FSIP1: variants seen among roughly 807,000 people sequenced by gnomAD.
FSIP1 encodes the protein fibrous sheath interacting protein 1.
Under a neutral mutation model 60.9 loss-of-function variants are expected in FSIP1, and 65 were observed. That is an observed-to-expected ratio of 1.07 (90% CI 0.87 to 1.31). The LOEUF (loss-of-function observed/expected upper bound fraction) is 1.31. FSIP1 is among the 40% of genes most tolerant of loss of function. The pLI is 0.00. For synonymous variants in FSIP1, 209 were observed against 221.2 expected (o/e 0.94, Z 0.49); for missense variants, 675 against 665.5 (o/e 1.01, Z -0.16).
rs555037928 is a variant in FSIP1, at chr15:39,728,945, AT to A, written c.892-2199del. On this transcript the variant is annotated intron_variant, in intron 8 of 11. Transcript: ENST00000350221. ...AGTAGGCAAAAGACACAAACAGACA[AT>A]TTTCTAAAGAAGACATACACATAGC... is the stretch of plus-strand genomic sequence containing the variant. 5.8e-4 allele frequency among the ~76,000 whole-genome samples: 88 copies of A among 152,228 alleles called. 1 individual carries two copies. Among genetic ancestry groups the A allele is most frequent in the Admixed American group, 5.0e-3 (77 of 15,284 alleles).
intron 10 of FSIP1, among the ~76,000 whole-genome samples, chr15:39,648,282 A>G (rs991929869): frequency 6.6e-6 from 1 of 152,026 alleles, no homozygotes; most frequent in Non-Finnish European, 1.5e-5. Flanking sequence ...CTAGAATTCT[A>G]AATTTTAATT....
intron 5 of FSIP1, among the ~76,000 whole-genome samples, chr15:39,761,204 A>T (rs2140696665): frequency 6.6e-6 from 1 of 152,312 alleles, no homozygotes; most frequent in Middle Eastern, 3.4e-3. Flanking sequence ...CATATGATCC[A>T]GAAATCCCAC....
At chr15:39,706,519 T>C (rs966239359) in intron 10 of FSIP1, among the ~76,000 whole-genome samples, 3 of 152,230 alleles carry the variant, frequency 2.0e-5, no homozygotes, top group Admixed American at 2.0e-4. Context: ...AACCACTTAC[T>C]GAGATACAAT....
At chr15:39,599,830 T>C (rs1250820746), downstream of FSIP1, among the ~76,000 whole-genome samples, 1 of 152,212 alleles carries the variant, frequency 6.6e-6, no homozygotes, top group Non-Finnish European at 1.5e-5. Flanking sequence ...ACGTAGCACA[T>C]TGACATCAGC....
At chr15:39,608,162 A>G (rs968812074) in intron 11 of FSIP1, among the ~76,000 whole-genome samples, 4 of 152,256 alleles carry the variant, frequency 2.6e-5, no homozygotes, top group African/African-American at 9.6e-5. Context: ...CTTATTATGT[A>G]ATAAACAGAA....
At position 39,666,012 on chromosome 15, in the gene FSIP1, T is replaced by C. The variant is rs530781878; in HGVS notation, c.1188+47432A>G. On this transcript the variant is annotated intron_variant, in intron 10 of 11. Transcript: ENST00000350221. ...CTGTTAGAAGAATCTCACTTACTTATTAACCCCAGTAAACTTAAAAATTAA... is the reference window on the plus strand; with the variant it reads ...CTGTTAGAAGAATCTCACTTACTTACTAACCCCAGTAAACTTAAAAATTAA... 6.6e-5 allele frequency among the ~76,000 whole-genome samples: 10 copies of C among 152,334 alleles called. No individual in the cohort carries two copies. In the Middle Eastern group the frequency reaches 0.017, roughly 259 times the overall value.
intron 10 of FSIP1, among the ~76,000 whole-genome samples, chr15:39,700,535 T>C (rs1895016442): frequency 1.3e-5 from 2 of 152,226 alleles, no homozygotes; most frequent in African/African-American, 4.8e-5. Context: ...TTGACCACAA[T>C]GTTTTTTTAA....
chr15:39,618,078 C>T lies in FSIP1; in HGVS notation c.1356G>A (p.Leu452=). The T allele has an allele frequency of 6.2e-7, 1 of 1,614,016 alleles. No individual in the cohort carries two copies. Among genetic ancestry groups the T allele is most frequent in the African/African-American group, 1.3e-5 (1 of 74,910 alleles). ...GGACCTTTGTTTCTGATTCATTTAGCAATTTAGAGATGATGGACCTGGAAA... is the reference window on the plus strand; with the variant it reads ...GGACCTTTGTTTCTGATTCATTTAGTAATTTAGAGATGATGGACCTGGAAA... ...PQLSRSIISK[L]LNESETKVQK... Residue 452 remains leucine (L), a synonymous_variant, in exon 11 of 12, where the codon TTG becomes TTA. Transcript: ENST00000350221.
At chr15:39,696,046 T>C (rs892716249) in intron 10 of FSIP1, among the ~76,000 whole-genome samples, 1 of 152,208 alleles carries the variant, frequency 6.6e-6, no homozygotes, top group Non-Finnish European at 1.5e-5. Context: ...GCAGGGCTTA[T>C]ACATGAAAGT....
At chr15:39,758,473 C>T (rs1897372534) in intron 5 of FSIP1, among the ~76,000 whole-genome samples, 1 of 151,774 alleles carries the variant, frequency 6.6e-6, no homozygotes, top group Non-Finnish European at 1.5e-5. Flanking sequence ...CTATAATATC[C>T]AGAATCTCAT....
chr15:39,619,627 T>A (rs548501685), intron 10 of FSIP1, among the ~76,000 whole-genome samples: 10 of 152,346 alleles, frequency 6.6e-5, no homozygotes, highest in African/African-American at 2.4e-4. Flanking sequence ...TATCCATCTG[T>A]ATCCAGAATC....
chr15:39,760,378 A>T (rs777445554), intron 5 of FSIP1, among the ~76,000 whole-genome samples: 5 of 152,180 alleles, frequency 3.3e-5, no homozygotes, highest in Non-Finnish European at 7.3e-5. Context: ...AAAAGAAAAA[A>T]ATAGTAATTT....
chr15:39,701,143 C>T (rs950648402), intron 10 of FSIP1, among the ~76,000 whole-genome samples: 2 of 152,088 alleles, frequency 1.3e-5, no homozygotes, highest in East Asian at 1.9e-4. Flanking sequence ...CAAAGTGAGA[C>T]CCTGTCTTAA....
intron 10 of FSIP1, among the ~76,000 whole-genome samples, chr15:39,633,788 T>G (rs910733983): frequency 1.3e-5 from 2 of 152,248 alleles, no homozygotes; most frequent in Non-Finnish European, 2.9e-5. Context: ...TAAAATGTTG[T>G]AATAGACGCT....
intron 10 of FSIP1, among the ~76,000 whole-genome samples, chr15:39,629,115 G>C (rs942634765): frequency 4.6e-5 from 7 of 152,074 alleles, no homozygotes; most frequent in Admixed American, 2.0e-4. Context: ...ATCTCTCTTG[G>C]ATACCAGGAA....
At chr15:39,716,273 A>C (rs1172922612) in intron 9 of FSIP1, among the ~76,000 whole-genome samples, 1 of 152,236 alleles carries the variant, frequency 6.6e-6, no homozygotes, top group Non-Finnish European at 1.5e-5. Flanking sequence ...TTTTAAATTG[A>C]AATTATTTTA....
Position 39,600,541 on chromosome 15 carries a change from A to G in FSIP1, c.*339T>C, listed in dbSNP as rs1321793251. The G allele has an allele frequency of 5.5e-6, 1 of 180,932 alleles. No homozygotes were observed. Among genetic ancestry groups the G allele is most frequent in the Non-Finnish European group, 1.1e-5 (1 of 87,488 alleles). The allele number at this position is 180,932 out of a possible 1,614,324, so 11.2% of individuals were successfully genotyped here. A position where few individuals can be genotyped will look rare whatever the true frequency, so the allele number is the denominator to read the frequency against. On this transcript the variant is annotated 3_prime_UTR_variant, in exon 12 of 12. Coordinates refer to ENST00000350221, the MANE Select transcript of FSIP1 (RefSeq NM_152597.5). The stretch of plus-strand genomic sequence containing the variant: ...CTGAATCACAGTAGAGGTGAAACAT[A>G]CAAAATTGAATACAGGACAATCACA...
At chr15:39,664,499 G>A (rs528449265) in intron 10 of FSIP1, among the ~76,000 whole-genome samples, 2 of 152,258 alleles carry the variant, frequency 1.3e-5, no homozygotes, top group South Asian at 2.1e-4. Flanking sequence ...CCAAGGAGCT[G>A]AATATTCATA....
intron 11 of FSIP1, among the ~76,000 whole-genome samples, chr15:39,615,605 A>G (rs141919458): frequency 6.6e-6 from 1 of 151,832 alleles, no homozygotes; most frequent in Non-Finnish European, 1.5e-5. Context: ...AAGATGAAAG[A>G]GACTGGGTGT....
Sources: gnomAD v4.1 joint callset for allele counts (sites outside exome capture counted in the v4.1 genomes callset) on GRCh38, gnomAD v4.1.1 for gene constraint, MANE v1.5 for transcripts, NCBI Gene and HGNC (gene_info 2026-07-23, HGNC 2026-07-21) for gene names.